Variants in ZFPM2 observed in about 807,000 individuals in gnomAD.
ZFPM2 encodes the protein zinc finger protein ZFPM2.
A neutral mutation model predicts 98.6 loss-of-function variants in ZFPM2; 20 were observed. The observed-to-expected ratio is 0.20, with a 90% CI of 0.14 to 0.29. The LOEUF (loss-of-function observed/expected upper bound fraction) is 0.29. Among genes scored for constraint, ZFPM2 ranks in the 10% least tolerant of loss-of-function variants. ZFPM2 has a pLI of 1.00. For missense variants in ZFPM2, 1,310 were observed against 1,388.6 expected (o/e 0.94, Z 0.90); for synonymous variants, 518 against 502.7 (o/e 1.03, Z -0.41).
chr8:105,456,959 T>C (rs746084393), intron 3 of ZFPM2, among the ~76,000 whole-genome samples: 6 of 152,188 alleles, frequency 3.9e-5, no homozygotes, highest in Non-Finnish European at 8.8e-5. Context: ...GGCCGTGTTA[T>C]TTCTTTTAAA....
At chr8:105,352,461 A>T (rs1215489020) in intron 1 of ZFPM2, among the ~76,000 whole-genome samples, 1 of 152,164 alleles carries the variant, frequency 6.6e-6, no homozygotes, top group Non-Finnish European at 1.5e-5. Flanking sequence ...ATTAGCCCAC[A>T]TTAATTCAGT....
chr8:105,621,012 G>A (rs960072943), intron 4 of ZFPM2, among the ~76,000 whole-genome samples: 2 of 152,054 alleles, frequency 1.3e-5, no homozygotes, highest in Non-Finnish European at 2.9e-5. Flanking sequence ...GGAAATGCGG[G>A]CTCTTTTTTG....
At chr8:105,668,866 G>A (rs1402612815) in intron 5 of ZFPM2, among the ~76,000 whole-genome samples, 1 of 152,030 alleles carries the variant, frequency 6.6e-6, no homozygotes, top group Non-Finnish European at 1.5e-5. Flanking sequence ...TTTATTTTTA[G>A]ATTTCAAACA....
chr8:105,731,034 G>A (rs1811923109), intron 5 of ZFPM2, among the ~76,000 whole-genome samples: 1 of 151,536 alleles, frequency 6.6e-6, no homozygotes, highest in Non-Finnish European at 1.5e-5. Context: ...GGCTTTTGTA[G>A]ATATGAACAC....
chr8:105,795,180 C>T (rs761514460), intron 6 of ZFPM2, among the ~76,000 whole-genome samples: 10 of 151,976 alleles, frequency 6.6e-5, no homozygotes, highest in East Asian at 1.9e-4. Flanking sequence ...GCGTCACTCA[C>T]GCTGGGAGCT....
chr8:105,547,121 T>C (rs903912645), intron 3 of ZFPM2, among the ~76,000 whole-genome samples: 33 of 152,332 alleles, frequency 2.2e-4, no homozygotes, highest in African/African-American at 7.0e-4. Flanking sequence ...GGCAAATCAT[T>C]ATTTTTACTC....
chr8:105,802,707 T>C lies in ZFPM2; in HGVS notation c.2625T>C (p.Asn875=). ...KVENYLAHKQ[N]FCPVTAHQRN... Reference sequence around the variant, plus strand: ...AAAACTATCTGGCCCACAAGCAGAATTTCTGCCCGGTTACTGCACATCAGC... The same window carrying C: ...AAAACTATCTGGCCCACAAGCAGAACTTCTGCCCGGTTACTGCACATCAGC... Residue 875 remains asparagine (N), a synonymous_variant, in exon 8 of 8, where the codon AAT becomes AAC. Coordinates refer to ENST00000407775, the MANE Select transcript of ZFPM2 (RefSeq NM_012082.4). The C allele has an allele frequency of 6.2e-7, 1 of 1,612,600 alleles. No homozygotes were observed. Among genetic ancestry groups the C allele is most frequent in the South Asian group, 1.1e-5 (1 of 90,734 alleles).
chr8:105,734,930 T>G (rs1254215014), intron 5 of ZFPM2, among the ~76,000 whole-genome samples: 2 of 151,010 alleles, frequency 1.3e-5, no homozygotes, highest in African/African-American at 4.8e-5. Context: ...GGAATATATC[T>G]GCCATTTCCA....
At chr8:105,760,274 G>A (rs1017341104) in intron 5 of ZFPM2, among the ~76,000 whole-genome samples, 3 of 151,912 alleles carry the variant, frequency 2.0e-5, no homozygotes, top group African/African-American at 7.3e-5. Context: ...AGTTAGTTAG[G>A]GGGTTGTATC....
At chr8:105,674,346 G>C (rs1410698991) in intron 5 of ZFPM2, among the ~76,000 whole-genome samples, 1 of 152,142 alleles carries the variant, frequency 6.6e-6, no homozygotes, top group East Asian at 1.9e-4. Context: ...CACATTGACT[G>C]GGAAGAGCAT....
chr8:105,444,985 A>G (rs1812337710), intron 3 of ZFPM2, among the ~76,000 whole-genome samples: 1 of 152,214 alleles, frequency 6.6e-6, no homozygotes, highest in Non-Finnish European at 1.5e-5. Flanking sequence ...AGAACTCTGC[A>G]GAAAAAAGGC....
chr8:105,538,278 A>G (rs1362102110), intron 3 of ZFPM2, among the ~76,000 whole-genome samples: 3 of 151,802 alleles, frequency 2.0e-5, no homozygotes, highest in Non-Finnish European at 4.4e-5. Flanking sequence ...AATTACTTTG[A>G]GGAAGAAAGA....
intron 4 of ZFPM2, among the ~76,000 whole-genome samples, chr8:105,611,765 C>G (rs1816312170): frequency 6.6e-6 from 1 of 150,498 alleles, no homozygotes; most frequent in South Asian, 2.1e-4. Flanking sequence ...ATGGTGCGAT[C>G]TTGGCTCACT....
chr8:105,501,109 C>G (rs1813584668), intron 3 of ZFPM2, among the ~76,000 whole-genome samples: 1 of 151,840 alleles, frequency 6.6e-6, no homozygotes, highest in Non-Finnish European at 1.5e-5. Context: ...TAGAGTTTTC[C>G]TATTTCTTTT....
At chr8:105,764,736 T>C (rs558903814) in intron 5 of ZFPM2, among the ~76,000 whole-genome samples, 270 of 151,862 alleles carry the variant, frequency 1.8e-3, no homozygotes, top group African/African-American at 6.3e-3. Context: ...TTCAGGGTAA[T>C]TTTATACAAT....
intron 3 of ZFPM2, among the ~76,000 whole-genome samples, chr8:105,525,820 T>G (rs1814163134): frequency 6.6e-6 from 1 of 152,194 alleles, no homozygotes; most frequent in East Asian, 1.9e-4. Flanking sequence ...GCTACCCTAA[T>G]AATAATTGGA....
intron 5 of ZFPM2, among the ~76,000 whole-genome samples, chr8:105,713,042 T>C (rs1019264394): frequency 7.2e-5 from 11 of 152,034 alleles, no homozygotes; most frequent in African/African-American, 2.7e-4. Context: ...TTCCTTTGGG[T>C]ATATATCCAG....
chr8:105,722,680 G>T (rs1811696435), intron 5 of ZFPM2, among the ~76,000 whole-genome samples: 2 of 151,906 alleles, frequency 1.3e-5, no homozygotes, highest in South Asian at 4.2e-4. Context: ...CTTCATCCTT[G>T]CTGTCCTCAC....
intron 5 of ZFPM2, among the ~76,000 whole-genome samples, chr8:105,761,242 C>T (rs918717651): frequency 3.9e-5 from 6 of 152,108 alleles, no homozygotes; most frequent in African/African-American, 1.4e-4. Context: ...AAATCTACAC[C>T]TTTCTTTTAA....
Sources: gnomAD v4.1 joint callset for allele counts (sites outside exome capture counted in the v4.1 genomes callset) on GRCh38, gnomAD v4.1.1 for gene constraint, MANE v1.5 for transcripts, NCBI Gene and HGNC (gene_info 2026-07-23, HGNC 2026-07-21) for gene names.